TPRA1: variants seen among roughly 807,000 people sequenced by gnomAD.
TPRA1 encodes the protein transmembrane protein adipocyte associated 1.
A neutral mutation model predicts 40.1 loss-of-function variants in TPRA1; 28 were observed. That is an observed-to-expected ratio of 0.70 (90% CI 0.52 to 0.96). The LOEUF is 0.96. Among genes scored for constraint, TPRA1 ranks in the 40% least tolerant of loss-of-function variants. TPRA1 has a pLI of 0.00. For missense variants in TPRA1, 441 were observed against 482.6 expected, an observed-to-expected ratio of 0.91 and a Z score of 0.81; for synonymous variants, 219 against 209.7, an observed-to-expected ratio of 1.04 and a Z score of -0.38.
At chr3:127,592,380 T>G (rs543228249), upstream of TPRA1, among the ~76,000 whole-genome samples, 1,389 of 139,578 alleles carry the variant, frequency 1.0e-2, 28 homozygotes, top group African/African-American at 0.031. Context: ...TTTTTTTTTT[T>G]TTTTTTTTTT....
chr3:127,573,487 C>CT lies in TPRA1; in HGVS notation c.*33dup, dbSNP rs1302706367. ...GACTCTGGGCCTGCTGGCCTCCTCT[C>CT]TGGCCTGTCCTCCACAGGCCCTGGC... On this transcript the variant is annotated 3_prime_UTR_variant, in exon 11 of 11. Coordinates refer to ENST00000355552, the MANE Select transcript of TPRA1 (RefSeq NM_001136053.4). The CT allele has an allele frequency of 6.3e-7, 1 of 1,591,024 alleles. No homozygotes were observed. Among genetic ancestry groups the CT allele is most frequent in the Admixed American group, 1.7e-5 (1 of 59,224 alleles).
intron 1 of TPRA1, among the ~76,000 whole-genome samples, chr3:127,585,135 T>A (rs2073961212): frequency 6.6e-6 from 1 of 152,106 alleles, no homozygotes; most frequent in South Asian, 2.1e-4. Context: ...CAAATCCCAA[T>A]GAATATAAAG....
At chr3:127,577,747 G>A (rs2107632276) in intron 3 of TPRA1, among the ~76,000 whole-genome samples, 1 of 152,298 alleles carries the variant, frequency 6.6e-6, no homozygotes, top group East Asian at 1.9e-4. Context: ...CACTTCGGTG[G>A]TTCCAGGTGA....
Position 127,573,584 on chromosome 3 carries a change from C to T in TPRA1, c.1059G>A (p.Met353Ile), listed in dbSNP as rs931110017. ...GVAYLDDIAS[M>I]PCHTGSINST... is the part of the protein sequence containing the mutation. Reference sequence around the variant, plus strand: ...TGTTGATGCTGCCAGTGTGGCAGGGCATGGAAGCGATGTCATCCAGGTAGG... The same window carrying T: ...TGTTGATGCTGCCAGTGTGGCAGGGTATGGAAGCGATGTCATCCAGGTAGG... The change falls in exon 11 of 11, where the codon ATG (methionine) becomes ATA (isoleucine). Residue 353 changes from methionine (M) to isoleucine (I), a missense_variant. Physicochemically the swap from Met to Ile is conservative, Grantham distance 10. Coordinates refer to ENST00000355552, the MANE Select transcript of TPRA1 (RefSeq NM_001136053.4). 6 of 1,612,960 alleles carry T rather than the reference C, an allele frequency of 3.7e-6. No homozygotes were observed. In the African/African-American group the frequency reaches 8.0e-5, roughly 22 times the overall value.
At chr3:127,593,155 C>A (rs182185669), upstream of TPRA1, among the ~76,000 whole-genome samples, 796 of 152,332 alleles carry the variant, frequency 5.2e-3, 7 homozygotes, top group African/African-American at 0.018. Flanking sequence ...AGAGCTGAGG[C>A]AGTGGCTAAT....
At chr3:127,574,116 T>G (rs2073482146) in intron 10 of TPRA1, among the ~76,000 whole-genome samples, 1 of 152,222 alleles carries the variant, frequency 6.6e-6, no homozygotes, top group African/African-American at 2.4e-5. Context: ...CAGGAGACAT[T>G]GGCTGTGGCC....
rs1337391430 is a variant in TPRA1, at chr3:127,572,523, C to T, written c.*998G>A. 6.6e-6 allele frequency among the ~76,000 whole-genome samples: 1 copy of T among 151,994 alleles called. No homozygotes were observed. The highest frequency in any genetic ancestry group is 6.6e-5 in the Admixed American group (1 of 15,258). On this transcript the variant is annotated 3_prime_UTR_variant, in exon 11 of 11. Coordinates refer to ENST00000355552, the MANE Select transcript of TPRA1 (RefSeq NM_001136053.4). Reference sequence around the variant, plus strand: ...TGCTCTGATTTACTCCCATTTTCAGCCAACCACACCCATCCTTATGACAAA... The same window carrying T: ...TGCTCTGATTTACTCCCATTTTCAGTCAACCACACCCATCCTTATGACAAA...
In TPRA1 at chr3:127,571,461, G is replaced by A. The variant is rs1372650364; in HGVS notation, c.*2060C>T. The A allele has an allele frequency of 1.3e-5, 2 of 152,220 alleles. No individual in the cohort carries two copies. Among genetic ancestry groups the A allele is most frequent in the Admixed American group, 6.5e-5 (1 of 15,282 alleles). The allele number at this position is 152,220 out of a possible 1,614,324, so 9.4% of individuals were successfully genotyped here. The stretch of plus-strand genomic sequence containing the variant: ...TACCAAAAGCAAATTTATAAGGATT[G>A]TTGATGTTGCCTTGTTTGTTGTTGC... On this transcript the variant is annotated 3_prime_UTR_variant, in exon 11 of 11. Coordinates refer to ENST00000355552, the MANE Select transcript of TPRA1 (RefSeq NM_001136053.4).
At chr3:127,581,977 C>T (rs2073848106) in intron 1 of TPRA1, among the ~76,000 whole-genome samples, 2 of 151,966 alleles carry the variant, frequency 1.3e-5, no homozygotes, top group Admixed American at 6.6e-5. Context: ...ACATCAAAGG[C>T]CCAGGCCTCC....
intron 10 of TPRA1, chr3:127,574,932 A>G (rs1367384588): frequency 7.2e-6 from 4 of 552,386 alleles, no homozygotes; most frequent in African/African-American, 5.7e-5. Flanking sequence ...TTGTGTGTGC[A>G]TGTGCATGTG....
Position 127,573,464 on chromosome 3 carries a change from C to T in TPRA1, c.*57G>A. ...TGACCTGGTCCTCCTCCCCTGGGGA[C>T]TCTGGGCCTGCTGGCCTCCTCTCTG... is the stretch of plus-strand genomic sequence containing the variant. On this transcript the variant is annotated 3_prime_UTR_variant, in exon 11 of 11. Coordinates refer to ENST00000355552, the MANE Select transcript of TPRA1 (RefSeq NM_001136053.4). The T allele has an allele frequency of 6.4e-7, 1 of 1,557,114 alleles. No homozygotes were observed. The highest frequency in any genetic ancestry group is 8.7e-7 in the Non-Finnish European group (1 of 1,151,976).
rs568772469 is a variant in TPRA1, at chr3:127,580,150, G to A, written c.-4C>T. The A allele has an allele frequency of 7.4e-6, 12 of 1,611,112 alleles. No individual in the cohort carries two copies. In the African/African-American group the frequency reaches 8.0e-5, roughly 11 times the overall value. ...TCACCTCCTCCAGGGTGTCCATCCCGCCAGCAGCCAGCCCTGGGGGAGTGA... is the reference window on the plus strand; with the variant it reads ...TCACCTCCTCCAGGGTGTCCATCCCACCAGCAGCCAGCCCTGGGGGAGTGA... On this transcript the variant is annotated 5_prime_UTR_variant, in exon 2 of 11. Transcript: ENST00000355552.
intron 1 of TPRA1, among the ~76,000 whole-genome samples, chr3:127,584,470 AAAAAAAAAAAG>A: frequency 6.7e-6 from 1 of 148,860 alleles, no homozygotes; most frequent in African/African-American, 2.5e-5. Flanking sequence ...AAAAAAAAAA[AAAAAAAAAAAG>A]AAGCAAACTT....
At chr3:127,577,539 C>G (rs565182732) in intron 3 of TPRA1, among the ~76,000 whole-genome samples, 22 of 152,236 alleles carry the variant, frequency 1.4e-4, no homozygotes, top group Non-Finnish European at 2.6e-4. Context: ...CAGGAAGGGC[C>G]AAGTATACAT....
At position 127,575,244 on chromosome 3, in the gene TPRA1, G is replaced by T. The variant is rs1216598329; in HGVS notation, c.795C>A (p.Phe265Leu). 1 of 1,614,018 alleles carries T rather than the reference G, an allele frequency of 6.2e-7. No individual in the cohort carries two copies. Among genetic ancestry groups the T allele is most frequent in the South Asian group, 1.1e-5 (1 of 91,080 alleles). ...EGLCCVDATT[F>L]LYFSFFAPLI... ...GCGGAGCGAAGAAGCTGAAGTACAGGAAGGTTGTGGCATCTACACAGCTGC... is the reference window on the plus strand; with the variant it reads ...GCGGAGCGAAGAAGCTGAAGTACAGTAAGGTTGTGGCATCTACACAGCTGC... The change falls in exon 10 of 11, where the codon TTC (phenylalanine) becomes TTA (leucine). Residue 265 changes from phenylalanine to leucine, a missense_variant. Phe to Leu is a conservative substitution (Grantham distance 22, BLOSUM62 0). Transcript: ENST00000355552.
In TPRA1 at chr3:127,576,657, G is replaced by GCCAGGGACAGCACTGTC. The variant is rs759830808; in HGVS notation, c.457_458insGACAGTGCTGTCCCTGG (p.Ala153GlyfsTer70). The stretch of plus-strand genomic sequence containing the variant: ...GGCCAGGGACAGCACTGTGGTGATG[G>GCCAGGGACAGCACTGTC]CCAGCACCCGCTTGATGCTGGACTT... On this transcript the variant is annotated frameshift_variant, in exon 6 of 11. Coordinates refer to ENST00000355552, the MANE Select transcript of TPRA1 (RefSeq NM_001136053.4). LOFTEE classifies it high-confidence loss of function. The surrounding 1 kb of genome is among the most constrained non-coding windows in gnomAD (Gnocchi z 4.6). The GCCAGGGACAGCACTGTC allele has an allele frequency of 1.9e-6, 3 of 1,610,798 alleles. No individual in the cohort carries two copies. The African/African-American group carries it at 4.0e-5, about 21-fold the overall frequency.
chr3:127,579,860 C>T lies in TPRA1; in HGVS notation c.138G>A (p.Trp46Ter). 2 of 1,613,792 alleles carry T rather than the reference C, an allele frequency of 1.2e-6. No homozygotes were observed. Among genetic ancestry groups the T allele is most frequent in the Non-Finnish European group, 1.7e-6 (2 of 1,180,026 alleles). ...EDIGTSRVRY[W>*]DLLLLIPNVL... ...CATTGGGGATGAGCAGCAAGAGGTCCCAGTACCGGACCCTGGCGGATGGGC... is the reference window on the plus strand; with the variant it reads ...CATTGGGGATGAGCAGCAAGAGGTCTCAGTACCGGACCCTGGCGGATGGGC... The change falls in exon 3 of 11, where the codon TGG becomes TGA. Residue 46 changes from tryptophan (W) to a stop codon, truncating the protein, a stop_gained. Coordinates refer to ENST00000355552, the MANE Select transcript of TPRA1 (RefSeq NM_001136053.4). LOFTEE classifies it high-confidence loss of function.
intron 1 of TPRA1, among the ~76,000 whole-genome samples, chr3:127,582,498 C>T (rs6439080): frequency 0.31 from 47,623 of 151,508 alleles, 8,318 homozygotes; most frequent in Middle Eastern, 0.48. Context: ...GTCAGGAGTT[C>T]AAGACAAGCC....
At chr3:127,580,625 C>T (rs528427323) in intron 1 of TPRA1, among the ~76,000 whole-genome samples, 2 of 152,356 alleles carry the variant, frequency 1.3e-5, no homozygotes, top group South Asian at 2.1e-4. Flanking sequence ...AAGGCACACA[C>T]GTGAGGAGTT....
Sources: gnomAD v4.1 joint callset for allele counts (sites outside exome capture counted in the v4.1 genomes callset) on GRCh38, gnomAD v4.1.1 for gene constraint, Gnocchi (gnomAD v3.1) non-coding constraint, MANE v1.5 for transcripts, NCBI Gene and HGNC (gene_info 2026-07-23, HGNC 2026-07-21) for gene names.